BMPR2: variants seen among roughly 807,000 people sequenced by gnomAD.
BMPR2 encodes bone morphogenetic protein receptor type 2, also known as bone morphogenetic protein receptor type-2.
BMPR2 carries 29 observed loss-of-function variants against 100.8 expected under a neutral mutation model. The observed-to-expected ratio is 0.29, with a 90% CI of 0.21 to 0.39. BMPR2 has a LOEUF of 0.39. BMPR2 is among the 10% of genes least tolerant of loss of function. The pLI, the probability that BMPR2 is intolerant of heterozygous loss-of-function variation, is 1.00. For synonymous variants in BMPR2, 382 were observed against 442.3 expected (o/e 0.86, Z 1.71); for missense variants, 1,011 against 1,274.5 (o/e 0.79, Z 3.15).
chr2:202,377,276 G>A lies in BMPR2; in HGVS notation c.-199G>A. The stretch of plus-strand genomic sequence containing the variant: ...AAGGAACCCCCCCAGCCGCGAGGGA[G>A]AGAAATGAAGGGAATTTCTGCAGCG... On this transcript the variant is annotated 5_prime_UTR_variant, in exon 1 of 13. Coordinates refer to ENST00000374580, the MANE Select transcript of BMPR2 (RefSeq NM_001204.7). 1.5e-6 allele frequency: 1 copy of A among 646,810 alleles called. No homozygotes were observed. The highest frequency in any genetic ancestry group is 2.8e-6 in the Non-Finnish European group (1 of 355,296). 40.1% of individuals were successfully genotyped at this position (646,810 alleles called of 1,614,324 possible).
intron 1 of BMPR2, among the ~76,000 whole-genome samples, chr2:202,422,257 T>C: frequency 6.6e-6 from 1 of 152,116 alleles, no homozygotes; most frequent in East Asian, 1.9e-4. Context: ...TACATGTGAA[T>C]GACAGCTGCT....
At chr2:202,455,788 A>G (rs771609646) in intron 1 of BMPR2, among the ~76,000 whole-genome samples, 17 of 151,658 alleles carry the variant, frequency 1.1e-4, no homozygotes, top group Non-Finnish European at 1.9e-4. Context: ...TAGTATTGCC[A>G]GGGGCGGTGG....
intron 1 of BMPR2, among the ~76,000 whole-genome samples, chr2:202,400,091 G>A (rs1470254520): frequency 6.6e-6 from 1 of 152,000 alleles, no homozygotes; most frequent in African/African-American, 2.4e-5. Flanking sequence ...TCCAGCCTGG[G>A]TGACGGAGCG....
intron 7 of BMPR2, among the ~76,000 whole-genome samples, chr2:202,527,793 C>G (rs966291791): frequency 6.7e-6 from 1 of 148,656 alleles, no homozygotes; most frequent in African/African-American, 2.5e-5. Context: ...GACTCCATCT[C>G]AAAAAAAAAT....
intron 10 of BMPR2, among the ~76,000 whole-genome samples, chr2:202,547,071 A>G (rs1157467941): frequency 1.3e-5 from 2 of 152,060 alleles, no homozygotes; most frequent in Non-Finnish European, 2.9e-5. Flanking sequence ...CCTGGCCCCC[A>G]CACACAGTTT....
chr2:202,464,496 AT>A, intron 1 of BMPR2, among the ~76,000 whole-genome samples: 1 of 152,256 alleles, frequency 6.6e-6, no homozygotes, highest in South Asian at 2.1e-4. Context: ...GAACATGGAC[AT>A]TTTCTTTGAT....
intron 1 of BMPR2, among the ~76,000 whole-genome samples, chr2:202,383,683 A>G (rs1429107560): frequency 2.0e-5 from 3 of 151,624 alleles, no homozygotes; most frequent in Non-Finnish European, 2.9e-5. Context: ...AAAAAAAAAA[A>G]AAAAAGAAAA....
At chr2:202,534,207 TATC>T (rs768961383) in intron 9 of BMPR2, among the ~76,000 whole-genome samples, 1 of 137,954 alleles carries the variant, frequency 7.2e-6, no homozygotes, top group Non-Finnish European at 1.6e-5. Flanking sequence ...CATATATATG[TATC>T]GTGTGTGTGT....
intron 3 of BMPR2, among the ~76,000 whole-genome samples, chr2:202,499,727 C>A (rs779723855): frequency 6.6e-6 from 1 of 152,098 alleles, no homozygotes; most frequent in Non-Finnish European, 1.5e-5. Context: ...AGCCCTGAGC[C>A]CTGAACAAAA....
chr2:202,494,670 C>A (rs1025822493), intron 3 of BMPR2, among the ~76,000 whole-genome samples: 1 of 152,094 alleles, frequency 6.6e-6, no homozygotes, highest in East Asian at 1.9e-4. Context: ...GGTAGGAGAA[C>A]AAGACAATTC....
intron 1 of BMPR2, among the ~76,000 whole-genome samples, chr2:202,437,539 G>A (rs1054757712): frequency 6.7e-6 from 1 of 150,316 alleles, no homozygotes; most frequent in Non-Finnish European, 1.5e-5. Context: ...ACAGAGTTGT[G>A]CAACTGTCAC....
rs1254175872 is a variant in BMPR2 at position 202,560,943 on chromosome 2, A to T, written c.*997A>T. 1.3e-5 allele frequency: 2 copies of T among 152,188 alleles called. No individual in the cohort carries two copies. Among genetic ancestry groups the T allele is most frequent in the Non-Finnish European group, 2.9e-5 (2 of 68,008 alleles). 9.4% of individuals were successfully genotyped at this position (152,188 alleles called of 1,614,324 possible). On this transcript the variant is annotated 3_prime_UTR_variant, in exon 13 of 13. Transcript: ENST00000374580. ...AGCTACACTTATGGAATTTTTAAGT[A>T]GGTAAATAAATGGTTAAGACAAAAT...
intron 1 of BMPR2, among the ~76,000 whole-genome samples, chr2:202,463,037 A>C (rs1559045991): frequency 6.6e-6 from 1 of 152,058 alleles, no homozygotes; most frequent in Non-Finnish European, 1.5e-5. Context: ...CAGTTGTATT[A>C]CCAGTTTTAT....
At chr2:202,510,952 G>A (rs1464602164) in intron 3 of BMPR2, among the ~76,000 whole-genome samples, 2 of 150,700 alleles carry the variant, frequency 1.3e-5, no homozygotes, top group Admixed American at 6.6e-5. Flanking sequence ...GTGTTGGGAT[G>A]ACAGGAGTGA....
In BMPR2 at chr2:202,563,649, C is replaced by G. The variant is rs1318084005; in HGVS notation, c.*3703C>G. 2 of 152,140 alleles carry G rather than the reference C, an allele frequency of 1.3e-5. No homozygotes were observed. Among genetic ancestry groups the G allele is most frequent in the Admixed American group, 1.3e-4 (2 of 15,276 alleles). The allele number at this position is 152,140 out of a possible 1,614,324, so 9.4% of individuals were successfully genotyped here. A position where few individuals can be genotyped will look rare whatever the true frequency, so the allele number is the denominator to read the frequency against. On this transcript the variant is annotated 3_prime_UTR_variant, in exon 13 of 13. Transcript: ENST00000374580. ...AATCTTAAAATCATTTCACTTCACT[C>G]CTAACATTTCTTACATTGCAGAACT...
Position 202,378,927 on chromosome 2 carries a change from T to C in BMPR2, c.76+1377T>C, listed in dbSNP as rs559311200. ...GGCTTTTCAATGTTATTTGTTATTC[T>C]TAACCTTTTTAGAATATAGATTCTC... On this transcript the variant is annotated intron_variant, in intron 1 of 12. Coordinates refer to ENST00000374580, the MANE Select transcript of BMPR2 (RefSeq NM_001204.7). Among the ~76,000 whole-genome samples the C allele has an allele frequency of 3.9e-5, 6 of 152,334 alleles. No homozygotes were observed. The East Asian group carries it at 1.2e-3, about 29-fold the overall frequency.
At chr2:202,550,878 T>C (rs1688463865) in intron 10 of BMPR2, among the ~76,000 whole-genome samples, 5 of 151,922 alleles carry the variant, frequency 3.3e-5, no homozygotes, top group Admixed American at 3.3e-4. Flanking sequence ...TAAGTAGGCT[T>C]TTGGGTTCTA....
rs1457256250 is a variant in BMPR2, at chr2:202,436,480, A to G, written c.77-28329A>G. On this transcript the variant is annotated intron_variant, in intron 1 of 12. Coordinates refer to ENST00000374580, the MANE Select transcript of BMPR2 (RefSeq NM_001204.7). ...AAACAACAACAGCAGCAACAAAAAAACCCACAAAAACAAAAGCCGAAAAGA... is the reference window on the plus strand; with the variant it reads ...AAACAACAACAGCAGCAACAAAAAAGCCCACAAAAACAAAAGCCGAAAAGA... 3.3e-5 allele frequency among the ~76,000 whole-genome samples: 5 copies of G among 150,578 alleles called. 1 individual carries two copies. Among genetic ancestry groups the G allele is most frequent in the Admixed American group, 3.3e-4 (5 of 15,190 alleles).
intron 1 of BMPR2, among the ~76,000 whole-genome samples, chr2:202,434,879 CAAAAAAAAAAAAAAA>C (rs1172617261): frequency 8.2e-5 from 4 of 48,924 alleles, no homozygotes; most frequent in Non-Finnish European, 1.3e-4. Context: ...GACTCTGTCT[CAAAAAAAAAAAAAAA>C]AAAAAAAAAA....
Sources: gnomAD v4.1 joint callset for allele counts (sites outside exome capture counted in the v4.1 genomes callset) on GRCh38, gnomAD v4.1.1 for gene constraint, MANE v1.5 for transcripts, NCBI Gene and HGNC (gene_info 2026-07-23, HGNC 2026-07-21) for gene names.